Variants in TRPM5 observed in about 807,000 individuals in gnomAD.
TRPM5 encodes transient receptor potential cation channel subfamily M member 5.
TRPM5 carries 121 observed loss-of-function variants against 124.9 expected under a neutral mutation model. That is an observed-to-expected ratio of 0.97 (90% CI 0.84 to 1.13). The LOEUF is 1.13. Among genes scored for constraint, TRPM5 ranks in the 50% most tolerant of loss-of-function variants. The pLI, the probability that TRPM5 is intolerant of heterozygous loss-of-function variation, is 0.00. For synonymous variants in TRPM5, 781 were observed against 700.5 expected, an observed-to-expected ratio of 1.11 and a Z score of -1.81; for missense variants, 1,643 against 1,589.1, an observed-to-expected ratio of 1.03 and a Z score of -0.58.
At chr11:2,412,717 C>T (rs1850476769) in intron 15 of TRPM5, 37 bp downstream of exon 20, 3 of 1,535,826 alleles carry the variant, frequency 2.0e-6, no homozygotes, top group Non-Finnish European at 2.6e-6. Context: ...CCTGAAGCTG[C>T]AGAGTGGAGG....
the TRPM5 span, among the ~76,000 whole-genome samples, chr11:2,428,166 A>G: frequency 0.013 from 1,974 of 152,278 alleles, 37 homozygotes; most frequent in African/African-American, 0.041. This position sits in a 1 kb window ranked among gnomAD's most constrained non-coding sequence, Gnocchi z 4.0. Flanking sequence ...TGGAGTGTCA[A>G]ACAGGGACTC....
chr11:2,429,491 TG>T, the TRPM5 span, among the ~76,000 whole-genome samples: 1 of 151,736 alleles, frequency 6.6e-6, no homozygotes, highest in Admixed American at 6.6e-5. The surrounding 1 kb of genome is among the most constrained non-coding windows in gnomAD (Gnocchi z 8.4). Flanking sequence ...ATGATTGTAC[TG>T]GTGGTGTTGG....
chr11:2,405,027 G>A (rs138514747), exon 24 of TRPM5: 30 of 1,612,480 alleles, frequency 1.9e-5, no homozygotes, highest in African/African-American at 2.7e-5. Flanking sequence ...GGCTTCCCTC[G>A]CCACAGTGCT....
chr11:2,406,856 G>A, intron 20 of TRPM5, 63 bp from the exon 26 acceptor site: 1 of 1,556,972 alleles, frequency 6.4e-7, no homozygotes, highest in Non-Finnish European at 8.7e-7. Context: ...CAGAGCCCAG[G>A]CCTGGTCCCG....
upstream of TRPM5, among the ~76,000 whole-genome samples, chr11:2,424,361 T>C (rs1845817520): frequency 6.6e-6 from 1 of 152,176 alleles, no homozygotes. Flanking sequence ...GCCAAGGCCC[T>C]CCCCATTAGG....
the TRPM5 span, among the ~76,000 whole-genome samples, chr11:2,440,477 C>T: frequency 6.6e-6 from 1 of 152,188 alleles, no homozygotes; most frequent in Admixed American, 6.5e-5. The surrounding 1 kb of genome is among the most constrained non-coding windows in gnomAD (Gnocchi z 5.2). Context: ...TGCCCCATCT[C>T]CTACCCTCCC....
intron 15 of TRPM5, 94 bp downstream of exon 20, chr11:2,412,660 T>C: frequency 7.5e-7 from 1 of 1,339,916 alleles, no homozygotes; most frequent in Non-Finnish European, 1.0e-6. Context: ...GTTTTACAGT[T>C]GGGGAGCCCC....
At chr11:2,430,898 ATTGGTGGTGGTGGTT>A in the TRPM5 span, among the ~76,000 whole-genome samples, 1 of 86,928 alleles carries the variant, frequency 1.2e-5, no homozygotes, top group East Asian at 4.0e-4. Context: ...TGGTGACGGT[ATTGGTGGTGGTGGTT>A]TTGGTGGTGG....
upstream of TRPM5, among the ~76,000 whole-genome samples, chr11:2,423,693 G>C (rs114694751): frequency 1.3e-5 from 2 of 152,194 alleles, no homozygotes; most frequent in African/African-American, 4.8e-5. Flanking sequence ...ATCAGCAAGC[G>C]GGGGTAGAAG....
At chr11:2,420,183 G>T in intron 4 of TRPM5, 39 bp downstream of exon 9, 1 of 1,546,442 alleles carries the variant, frequency 6.5e-7, no homozygotes, top group Non-Finnish European at 8.7e-7. Flanking sequence ...ATCCCCACTG[G>T]GTCCCAAGGC....
chr11:2,405,680 C>T, intron 22 of TRPM5, 87 bp from the exon 28 acceptor site: 1 of 1,422,236 alleles, frequency 7.0e-7, no homozygotes, highest in Non-Finnish European at 9.7e-7. Context: ...CCTCTCCTGC[C>T]AGGGCCCCCG....
chr11:2,410,583 A>C, intron 18 of TRPM5: 1 of 416,230 alleles, frequency 2.4e-6, no homozygotes, highest in South Asian at 1.7e-5. Context: ...AGGGGCCTGC[A>C]CAGGTCCCTG....
chr11:2,435,867 C>CA, the TRPM5 span, among the ~76,000 whole-genome samples: 5 of 152,362 alleles, frequency 3.3e-5, no homozygotes, highest in East Asian at 7.7e-4. This position sits in a 1 kb window ranked among gnomAD's most constrained non-coding sequence, Gnocchi z 4.1. Flanking sequence ...AACTTCTCCA[C>CA]AGTGCCTAGT....
intron 4 of TRPM5, among the ~76,000 whole-genome samples, chr11:2,419,093 C>A (rs1845730202): frequency 6.6e-6 from 1 of 152,152 alleles, no homozygotes; most frequent in Non-Finnish European, 1.5e-5. Flanking sequence ...CCCCTGTCTT[C>A]TGTGAGGGAG....
chr11:2,414,725 C>A (rs751418257), exon 11 of TRPM5: 2 of 1,540,114 alleles, frequency 1.3e-6, no homozygotes, highest in Admixed American at 2.0e-5. Context: ...CAAGGGCCAG[C>A]CGCTCGTATT....
rs1402244562 is a variant in TRPM5, at chr11:2,414,845, G to T, written c.1621-7C>A. 5.0e-6 allele frequency: 8 copies of T among 1,591,930 alleles called. No homozygotes were observed. The Admixed American group carries it at 1.4e-4, about 28-fold the overall frequency. On this transcript the variant is annotated splice_polypyrimidine_tract_variant and splice_region_variant and intron_variant, in intron 10 of 23. Coordinates refer to ENST00000155858, the Ensembl canonical transcript of TRPM5. ...CTGCCACACCTTCCTGGCCCTACGA[G>T]ACCTGGTCTCAGGAGGCCGCCCCTC...
At chr11:2,410,783 G>A in intron 18 of TRPM5, 1 of 421,802 alleles carries the variant, frequency 2.4e-6, no homozygotes, top group Admixed American at 2.8e-5. Context: ...ACACATTGGG[G>A]TGGGTCCCCA....
At chr11:2,414,008 C>CGGG (rs1850511460) in intron 12 of TRPM5, 53 bp downstream of exon 17, 36 of 1,038,724 alleles carry the variant, frequency 3.5e-5, no homozygotes, top group East Asian at 8.3e-5. Context: ...GGGCCCAGCT[C>CGGG]GCCCGCCCAC....
chr11:2,443,831 C>G, the TRPM5 span, among the ~76,000 whole-genome samples: 19 of 149,684 alleles, frequency 1.3e-4, no homozygotes, highest in South Asian at 4.4e-4. The surrounding 1 kb of genome is among the most constrained non-coding windows in gnomAD (Gnocchi z 5.0). Context: ...CCACCCCCCC[C>G]CCAAGCCTGA....
Sources: allele counts gnomAD v4.1 joint callset (sites outside exome capture counted in the v4.1 genomes callset), GRCh38; gene constraint gnomAD v4.1.1; non-coding constraint Gnocchi (gnomAD v3.1); transcripts MANE v1.5; gene names NCBI Gene and HGNC (gene_info 2026-07-23, HGNC 2026-07-21).